DACH2: variants seen among roughly 807,000 people sequenced by gnomAD.
The protein encoded by DACH2 is dachshund family transcription factor 2.
A neutral mutation model predicts 35.8 loss-of-function variants in DACH2; 17 were observed. The observed-to-expected ratio is 0.48, with a 90% CI of 0.33 to 0.71. DACH2 has a LOEUF of 0.71. DACH2 is among the 30% of genes least tolerant of loss of function. The pLI is 0.02. For synonymous variants in DACH2, 195 were observed against 177.3 expected, an observed-to-expected ratio of 1.10 and a Z score of -0.79; for missense variants, 469 against 472.7, an observed-to-expected ratio of 0.99 and a Z score of 0.07.
intron 1 of DACH2, among the ~76,000 whole-genome samples, chrX:86,262,641 C>A (rs868093570): frequency 8.8e-5 from 9 of 102,434 alleles, no homozygotes; most frequent in East Asian, 6.3e-4. Flanking sequence ...TAATCTGCTC[C>A]AAAAAAAAAA....
chrX:86,751,229 A>T (rs1411771243), intron 7 of DACH2, among the ~76,000 whole-genome samples: 2 of 111,201 alleles, frequency 1.8e-5, no homozygotes, highest in Non-Finnish European at 3.8e-5. Context: ...GTTCTTAACA[A>T]AATACTGGCA....
At chrX:86,444,282 G>T (rs185264652) in intron 2 of DACH2, among the ~76,000 whole-genome samples, 2 of 110,581 alleles carry the variant, frequency 1.8e-5, no homozygotes, top group African/African-American at 6.6e-5. Context: ...TAGAGACAGG[G>T]TCTTGCTATG....
At chrX:86,412,821 C>A (rs1362715871) in intron 2 of DACH2, among the ~76,000 whole-genome samples, 1 of 111,641 alleles carries the variant, frequency 9.0e-6, no homozygotes, top group Non-Finnish European at 1.9e-5. Context: ...GCCCAAGTGG[C>A]AGAGTAGCTT....
chrX:86,667,564 G>T (rs1569463701), intron 4 of DACH2, among the ~76,000 whole-genome samples: 3 of 89,343 alleles, frequency 3.4e-5, no homozygotes, highest in African/African-American at 9.4e-5. Flanking sequence ...AAGAAAGAAA[G>T]AAAGAAAGAA....
At chrX:86,320,600 T>G (rs1054407793) in intron 1 of DACH2, among the ~76,000 whole-genome samples, 1 of 112,297 alleles carries the variant, frequency 8.9e-6, no homozygotes, top group African/African-American at 3.2e-5. Flanking sequence ...TGTAAACAGT[T>G]AAGTTATTCC....
chrX:86,240,750 G>T (rs2033149374), intron 1 of DACH2, among the ~76,000 whole-genome samples: 1 of 110,639 alleles, frequency 9.0e-6, no homozygotes, highest in African/African-American at 3.3e-5. Flanking sequence ...CAAGTGGGAG[G>T]TGATTGGATC....
At chrX:86,419,011 G>T (rs749210565) in intron 2 of DACH2, among the ~76,000 whole-genome samples, 8 of 111,486 alleles carry the variant, frequency 7.2e-5, no homozygotes, top group African/African-American at 9.8e-5. Context: ...ACATAACAAG[G>T]GTTGCCTTTG....
rs150283981 is a variant in DACH2 at position 86,213,956 on chromosome X, A to G, written c.488+64848A>G. ...TGTGTATAGCATCTCTATGTTTCCAATTTAAGAATCTCAGGGTTCTCATTC... is the reference window on the plus strand; with the variant it reads ...TGTGTATAGCATCTCTATGTTTCCAGTTTAAGAATCTCAGGGTTCTCATTC... On this transcript the variant is annotated intron_variant, in intron 1 of 11. Transcript: ENST00000373125. Among the ~76,000 whole-genome samples, 716 of 111,085 alleles carry G rather than the reference A, an allele frequency of 6.4e-3. 9 individuals carry two copies. Among genetic ancestry groups the G allele is most frequent in the African/African-American group, 0.022 (666 of 30,707 alleles).
chrX:86,378,599 G>C (rs749578110), intron 2 of DACH2, among the ~76,000 whole-genome samples: 3 of 110,874 alleles, frequency 2.7e-5, no homozygotes, highest in Non-Finnish European at 5.7e-5. Context: ...TTAAATGTTG[G>C]TAACTAACTC....
At chrX:86,699,354 C>T (rs1053355759) in intron 5 of DACH2, among the ~76,000 whole-genome samples, 19 of 112,220 alleles carry the variant, frequency 1.7e-4, no homozygotes, top group Non-Finnish European at 3.6e-4. Context: ...GGGCAATTTA[C>T]AAAAGAAAGA....
In DACH2 at chrX:86,148,917, C is replaced by T. The variant is rs754372340; in HGVS notation, c.297C>T (p.Leu99=). The T allele has an allele frequency of 8.3e-7, 1 of 1,208,784 alleles. No homozygotes were observed. The highest frequency in any genetic ancestry group is 1.1e-6 in the Non-Finnish European group (1 of 895,075). Residue 99 remains leucine, a synonymous_variant, in exon 1 of 12, where the codon CTC becomes CTT. Coordinates refer to ENST00000373125, the MANE Select transcript of DACH2 (RefSeq NM_053281.3). The part of the protein sequence containing the change: ...ICLPQVFDLF[L]KHLVGGLHTV... Reference sequence around the variant, plus strand: ...TGCCGCAAGTCTTTGATCTTTTTCTCAAGCACCTGGTGGGAGGCTTGCACA... The same window carrying T: ...TGCCGCAAGTCTTTGATCTTTTTCTTAAGCACCTGGTGGGAGGCTTGCACA...
At chrX:86,401,174 A>T (rs992764719) in intron 2 of DACH2, among the ~76,000 whole-genome samples, 2 of 112,372 alleles carry the variant, frequency 1.8e-5, no homozygotes, top group South Asian at 7.3e-4. Context: ...AGGACCCTCC[A>T]AGCCAGGTGC....
chrX:86,515,403 G>T (rs1296425966), intron 3 of DACH2, among the ~76,000 whole-genome samples: 1 of 109,987 alleles, frequency 9.1e-6, no homozygotes, highest in South Asian at 3.9e-4. Context: ...CAGAATCAGA[G>T]GAAGAGCATT....
chrX:86,193,992 T>A (rs1200269189), intron 1 of DACH2, among the ~76,000 whole-genome samples: 1 of 110,697 alleles, frequency 9.0e-6, no homozygotes, highest in African/African-American at 3.3e-5. Context: ...ACGTCAACTC[T>A]GCTGTTCACA....
At chrX:86,827,473 C>A (rs564827438) in intron 11 of DACH2, among the ~76,000 whole-genome samples, 5 of 111,388 alleles carry the variant, frequency 4.5e-5, no homozygotes, top group African/African-American at 9.8e-5. Flanking sequence ...GTCAATATCA[C>A]CCCTAGAGAA....
chrX:86,283,030 G>A lies in DACH2; in HGVS notation c.489-93794G>A, dbSNP rs1213341059. ...CCTGACCTCGTGATCCGCCCGCCTC[G>A]GCCTCCCAAAGTGCTGGGATTACAG... On this transcript the variant is annotated intron_variant, in intron 1 of 11. Coordinates refer to ENST00000373125, the MANE Select transcript of DACH2 (RefSeq NM_053281.3). Among the ~76,000 whole-genome samples, 11 of 30,647 alleles carry A rather than the reference G, an allele frequency of 3.6e-4. 3 individuals carry two copies. The highest frequency in any genetic ancestry group is 2.0e-3 in the African/African-American group (6 of 3,013). The allele number at this position is 30,647 out of a possible 115,157, so 26.6% of individuals were successfully genotyped here. A position where few individuals can be genotyped will look rare whatever the true frequency, so the allele number is the denominator to read the frequency against.
chrX:86,434,632 C>T (rs1042207850), intron 2 of DACH2, among the ~76,000 whole-genome samples: 1 of 111,945 alleles, frequency 8.9e-6, no homozygotes, highest in African/African-American at 3.2e-5. Context: ...CCCATTTTGT[C>T]CCTTTTTGTG....
chrX:86,831,751 C>G (rs1482329594), intron 11 of DACH2: 3 of 124,216 alleles, frequency 2.4e-5, no homozygotes, highest in African/African-American at 9.9e-5. Flanking sequence ...ACTCTTTTCC[C>G]CCTGTTTTGG....
chrX:86,593,434 TTTTA>T (rs1890329286), intron 3 of DACH2, among the ~76,000 whole-genome samples: 1 of 106,781 alleles, frequency 9.4e-6, no homozygotes, highest in South Asian at 3.9e-4. Flanking sequence ...TTTTATTTTA[TTTTA>T]TTTTTTGAGA....
Sources: gnomAD v4.1 joint callset for allele counts (sites outside exome capture counted in the v4.1 genomes callset) on GRCh38, gnomAD v4.1.1 for gene constraint, MANE v1.5 for transcripts, NCBI Gene and HGNC (gene_info 2026-07-23, HGNC 2026-07-21) for gene names.